Variants in DOCK2 observed in about 807,000 individuals in gnomAD.
DOCK2 encodes the protein dedicator of cytokinesis 2, also known as dedicator of cytokinesis protein 2.
Under a neutral mutation model 248.9 loss-of-function variants are expected in DOCK2, and 87 were observed. The observed-to-expected ratio is 0.35, with a 90% CI of 0.29 to 0.42. The LOEUF (loss-of-function observed/expected upper bound fraction) is 0.42. Ranked by LOEUF, DOCK2 falls within the 10% of genes least tolerant of loss-of-function variation. The pLI is 1.00. For synonymous variants in DOCK2, 805 were observed against 821.6 expected, an observed-to-expected ratio of 0.98 and a Z score of 0.35; for missense variants, 1,747 against 2,300.2, an observed-to-expected ratio of 0.76 and a Z score of 4.92.
chr5:169,858,762 G>A (rs1771022919), intron 27 of DOCK2, among the ~76,000 whole-genome samples: 1 of 152,184 alleles, frequency 6.6e-6, no homozygotes. Flanking sequence ...CAGCACTTTG[G>A]GAGGTTGAGG....
chr5:169,652,532 G>T (rs264881), intron 1 of DOCK2, among the ~76,000 whole-genome samples: 88,454 of 152,118 alleles, frequency 0.58, 25,829 homozygotes, highest in Non-Finnish European at 0.6. Context: ...CCTGTGCTCC[G>T]TTCCACTGAA....
intron 25 of DOCK2, among the ~76,000 whole-genome samples, chr5:169,765,916 G>T (rs1764758299): frequency 6.6e-6 from 1 of 152,132 alleles, no homozygotes; most frequent in Admixed American, 6.5e-5. Context: ...GGAGATGCTG[G>T]GTCCCCCATT....
chr5:169,994,752 TCC>T (rs1754541206), intron 29 of DOCK2, among the ~76,000 whole-genome samples: 5 of 151,888 alleles, frequency 3.3e-5, no homozygotes, highest in Admixed American at 6.6e-5. Flanking sequence ...AAGGTTGGGG[TCC>T]CATCATGAGG....
At chr5:169,914,290 T>G (rs1774760413) in intron 27 of DOCK2, among the ~76,000 whole-genome samples, 1 of 152,208 alleles carries the variant, frequency 6.6e-6, no homozygotes, top group Non-Finnish European at 1.5e-5. Context: ...CCATTCTTTC[T>G]GATTCTTTCA....
chr5:169,643,324 C>T (rs549184416), intron 1 of DOCK2, among the ~76,000 whole-genome samples: 17 of 150,650 alleles, frequency 1.1e-4, no homozygotes, highest in African/African-American at 3.4e-4. Flanking sequence ...GAGCCCTCTC[C>T]GTTCATCACT....
chr5:169,694,739 G>A (rs1182772694), intron 9 of DOCK2, among the ~76,000 whole-genome samples: 1 of 152,024 alleles, frequency 6.6e-6, no homozygotes, highest in Non-Finnish European at 1.5e-5. Context: ...CAGCACTTTC[G>A]GAGGCTGATG....
At chr5:169,716,751 C>T (rs1247477562) in intron 20 of DOCK2, among the ~76,000 whole-genome samples, 1 of 152,112 alleles carries the variant, frequency 6.6e-6, no homozygotes, top group African/African-American at 2.4e-5. Flanking sequence ...CTGTACCATC[C>T]AGATCTTCCT....
intron 27 of DOCK2, among the ~76,000 whole-genome samples, chr5:169,974,841 C>G (rs1027075226): frequency 6.6e-6 from 1 of 150,484 alleles, no homozygotes; most frequent in East Asian, 2.0e-4. Flanking sequence ...CCCCCCTCCC[C>G]CCGACACACA....
intron 27 of DOCK2, among the ~76,000 whole-genome samples, chr5:169,857,845 A>C (rs1268563755): frequency 6.6e-6 from 1 of 152,218 alleles, no homozygotes; most frequent in Non-Finnish European, 1.5e-5. Context: ...TATACTATGA[A>C]ATAACTTGAA....
chr5:169,951,069 G>A (rs557297234), intron 27 of DOCK2, among the ~76,000 whole-genome samples: 1 of 152,334 alleles, frequency 6.6e-6, no homozygotes, highest in African/African-American at 2.4e-5. Flanking sequence ...GTGATTGGCT[G>A]GAGCTGATGA....
intron 29 of DOCK2, among the ~76,000 whole-genome samples, chr5:169,993,124 C>A (rs1356025151): frequency 1.3e-5 from 2 of 152,200 alleles, no homozygotes; most frequent in Non-Finnish European, 2.9e-5. Context: ...ATGTGACAGG[C>A]ACTCAATGCA....
intron 29 of DOCK2, among the ~76,000 whole-genome samples, chr5:169,986,833 C>A (rs1484156184): frequency 6.6e-6 from 1 of 152,190 alleles, no homozygotes; most frequent in Non-Finnish European, 1.5e-5. Context: ...CTAGTTTTAT[C>A]TCCCTCTACC....
At position 170,078,991 on chromosome 5, in the gene DOCK2, G is replaced by A. The variant is rs1757932739; in HGVS notation, c.5011G>A (p.Ala1671Thr). ...PTSESFDLEL[A>T]SPKTPRVEQE... is the part of the protein sequence containing the mutation. Reference sequence around the variant, plus strand: ...GCCTTTCAGCTTTGACCTGGAATTAGCATCACCCAAGACGCCGAGAGTGGA... The same window carrying A: ...GCCTTTCAGCTTTGACCTGGAATTAACATCACCCAAGACGCCGAGAGTGGA... The change falls in exon 49 of 52, where the codon GCA becomes ACA. Residue 1671 changes from alanine to threonine, a missense_variant. By Grantham distance (58) the Ala-to-Thr change is moderately conservative. Transcript: ENST00000520908. The A allele has an allele frequency of 1.9e-6, 3 of 1,613,940 alleles. No homozygotes were observed. Among genetic ancestry groups the A allele is most frequent in the Admixed American group, 3.3e-5 (2 of 60,004 alleles).
At chr5:169,804,501 CGT>C (rs755969090) in intron 26 of DOCK2, among the ~76,000 whole-genome samples, 14,025 of 64,280 alleles carry the variant, frequency 0.22, 957 homozygotes, top group East Asian at 0.44. Context: ...CGCGCGTGCG[CGT>C]AAGCATTTTT....
chr5:169,846,944 A>G (rs1166694869), intron 27 of DOCK2, among the ~76,000 whole-genome samples: 2 of 152,118 alleles, frequency 1.3e-5, no homozygotes, highest in Non-Finnish European at 2.9e-5. Context: ...AAGTAAGAAC[A>G]TGCTGTTTTT....
At chr5:169,996,745 G>A (rs1006046159) in intron 30 of DOCK2, among the ~76,000 whole-genome samples, 2 of 152,184 alleles carry the variant, frequency 1.3e-5, no homozygotes, top group African/African-American at 4.8e-5. Flanking sequence ...AGATGTGCGA[G>A]GGAAGGCCCC....
intron 25 of DOCK2, among the ~76,000 whole-genome samples, chr5:169,797,780 C>T (rs919985875): frequency 4.6e-5 from 7 of 152,180 alleles, no homozygotes; most frequent in Non-Finnish European, 1.0e-4. Flanking sequence ...AGGGTGTGAA[C>T]TATTTATCTT....
At chr5:169,936,271 C>A (rs761454029) in intron 27 of DOCK2, among the ~76,000 whole-genome samples, 1 of 152,186 alleles carries the variant, frequency 6.6e-6, no homozygotes, top group African/African-American at 2.4e-5. Context: ...AAGATAATGT[C>A]CGTGCTTCAA....
intron 8 of DOCK2, among the ~76,000 whole-genome samples, chr5:169,688,393 C>G (rs932251332): frequency 2.6e-5 from 4 of 152,326 alleles, no homozygotes; most frequent in African/African-American, 9.6e-5. Context: ...AGGTCAGGCC[C>G]ATTTGATACA....
Sources: gnomAD v4.1 joint callset for allele counts (sites outside exome capture counted in the v4.1 genomes callset) on GRCh38, gnomAD v4.1.1 for gene constraint, MANE v1.5 for transcripts, NCBI Gene and HGNC (gene_info 2026-07-23, HGNC 2026-07-21) for gene names.